Variants in ARHGAP8 observed in about 807,000 individuals in gnomAD.
ARHGAP8 encodes rho GTPase-activating protein 8.
A neutral mutation model predicts 46.1 loss-of-function variants in ARHGAP8; 62 were observed. The ratio of observed to expected loss-of-function variants is 1.34; its 90% CI spans 1.10 to 1.66. The LOEUF (loss-of-function observed/expected upper bound fraction) is 1.66, where lower values mean the gene tolerates loss of function less well. ARHGAP8 is among the 40% of genes most tolerant of loss of function. The pLI is 0.00. For synonymous variants in ARHGAP8, 375 were observed against 243.1 expected, an observed-to-expected ratio of 1.54 and a Z score of -5.05; for missense variants, 923 against 568.4, an observed-to-expected ratio of 1.62 and a Z score of -6.34.
chr22:44,792,808 G>GTGT (rs1555911851), intron 2 of ARHGAP8, among the ~76,000 whole-genome samples: 6 of 150,362 alleles, frequency 4.0e-5, no homozygotes, highest in East Asian at 3.9e-4. Context: ...GGTGGTGGTG[G>GTGT]TGGTTTTTTT....
At chr22:44,827,825 G>T (rs1404026858) in intron 7 of ARHGAP8, among the ~76,000 whole-genome samples, 1 of 152,108 alleles carries the variant, frequency 6.6e-6, no homozygotes, top group Non-Finnish European at 1.5e-5. Flanking sequence ...GCCGGGCCTG[G>T]AGTGCAAATG....
chr22:44,817,089 T>C (rs1351605841), intron 5 of ARHGAP8, among the ~76,000 whole-genome samples: 1 of 152,100 alleles, frequency 6.6e-6, no homozygotes, highest in East Asian at 1.9e-4. Flanking sequence ...TTTCACCATG[T>C]TGGCCAGGCT....
Position 44,843,046 on chromosome 22 carries a change from T to C in ARHGAP8, c.597-2223T>C, listed in dbSNP as rs115909683. On this transcript the variant is annotated intron_variant, in intron 7 of 11. Transcript: ENST00000356099. ...ACTCTAAGGATCAGGGAGAGGACCC[T>C]GCATCCAGAGGTGGGCAGTTGGAAT... Among the ~76,000 whole-genome samples, 4 of 152,308 alleles carry C rather than the reference T, an allele frequency of 2.6e-5. No individual in the cohort carries two copies. In the East Asian group the frequency reaches 7.7e-4, roughly 29 times the overall value.
intron 1 of ARHGAP8, among the ~76,000 whole-genome samples, chr22:44,757,612 A>G (rs188763402): frequency 2.0e-5 from 3 of 150,248 alleles, no homozygotes; most frequent in Non-Finnish European, 4.4e-5. Flanking sequence ...CCAAACTTTA[A>G]CCCCCTGCTC....
chr22:44,797,375 C>CTCCG (rs1196232636), intron 2 of ARHGAP8, among the ~76,000 whole-genome samples: 1 of 152,138 alleles, frequency 6.6e-6, no homozygotes, highest in Non-Finnish European at 1.5e-5. Flanking sequence ...AGGGCTCAGG[C>CTCCG]TCCGGGTCAG....
At chr22:44,790,075 G>A (rs974748008) in intron 2 of ARHGAP8, among the ~76,000 whole-genome samples, 3 of 152,192 alleles carry the variant, frequency 2.0e-5, no homozygotes, top group African/African-American at 7.2e-5. Flanking sequence ...AGAGGAATTT[G>A]CATTTGGTCA....
chr22:44,811,297 A>T (rs1451677441), intron 4 of ARHGAP8, among the ~76,000 whole-genome samples: 1 of 152,226 alleles, frequency 6.6e-6, no homozygotes, highest in African/African-American at 2.4e-5. Flanking sequence ...GCAGTGACAA[A>T]GCCAAAGGTA....
intron 7 of ARHGAP8, among the ~76,000 whole-genome samples, chr22:44,828,284 C>G (rs560198997): frequency 6.6e-6 from 1 of 152,144 alleles, no homozygotes; most frequent in Non-Finnish European, 1.5e-5. Context: ...TTTGCGGGTG[C>G]GAACAACTCT....
At chr22:44,773,591 T>A (rs6007285) in intron 1 of ARHGAP8, among the ~76,000 whole-genome samples, 4 of 152,042 alleles carry the variant, frequency 2.6e-5, no homozygotes, top group South Asian at 4.1e-4. Context: ...TTTTTCTCTC[T>A]TTTTTCTTGA....
rs1478981225 is a variant in ARHGAP8, at chr22:44,862,543, C to G, written c.1250C>G (p.Thr417Ser). Reference protein sequence around the residue: ...AVPRTQATGLTKPTLPPSPLM... With the variant: ...AVPRTQATGLSKPTLPPSPLM... ...CCACGGACACAAGCCACGGGCCTCA[C>G]CAAGCCTACCCTACCTCCGAGTCCC... Residue 417 changes from threonine to serine, a missense_variant, in exon 12 of 12, where the codon ACC (threonine) becomes AGC (serine). By Grantham distance (58) the Thr-to-Ser change is moderately conservative. Transcript: ENST00000356099. 5 of 1,604,104 alleles carry G rather than the reference C, an allele frequency of 3.1e-6. No individual in the cohort carries two copies. In the East Asian group the frequency reaches 9.0e-5, roughly 29 times the overall value.
intron 11 of ARHGAP8, among the ~76,000 whole-genome samples, chr22:44,860,792 C>T (rs1223124473): frequency 6.6e-6 from 1 of 152,082 alleles, no homozygotes; most frequent in Non-Finnish European, 1.5e-5. Flanking sequence ...GTGGGTCCAC[C>T]CCCAACCCCC....
At chr22:44,815,324 T>C (rs1929657487) in intron 5 of ARHGAP8, among the ~76,000 whole-genome samples, 1 of 152,180 alleles carries the variant, frequency 6.6e-6, no homozygotes, top group Non-Finnish European at 1.5e-5. Context: ...GTCAGTCATG[T>C]AGGCACGGAG....
chr22:44,801,592 AG>A (rs1928556075), intron 2 of ARHGAP8, among the ~76,000 whole-genome samples: 1 of 152,236 alleles, frequency 6.6e-6, no homozygotes, highest in Non-Finnish European at 1.5e-5. Context: ...AATGGACGGC[AG>A]GGCTGAGCAT....
In ARHGAP8 at chr22:44,862,425, G is replaced by A. The variant is rs1295086078; in HGVS notation, c.1132G>A (p.Glu378Lys). 6.2e-7 allele frequency: 1 copy of A among 1,614,148 alleles called. No homozygotes were observed. Among genetic ancestry groups the A allele is most frequent in the Non-Finnish European group, 8.5e-7 (1 of 1,180,010 alleles). The part of the protein sequence containing the change: ...MFTELLIEYY[E>K]KIFSTPEAPG... ...CACTGAACTGCTGATCGAGTACTAT[G>A]AAAAGATCTTCAGCACCCCGGAGGC... The change falls in exon 12 of 12, where the codon GAA becomes AAA. Residue 378 changes from glutamate to lysine, a missense_variant. Glu to Lys is a moderately conservative substitution (Grantham distance 56). Transcript: ENST00000356099.
intron 1 of ARHGAP8, among the ~76,000 whole-genome samples, chr22:44,777,731 T>C (rs1249452563): frequency 6.6e-6 from 1 of 152,138 alleles, no homozygotes; most frequent in Non-Finnish European, 1.5e-5. Flanking sequence ...GTTTTGTTCT[T>C]GTCACCCAGG....
At chr22:44,836,570 C>A (rs1444086775) in intron 7 of ARHGAP8, among the ~76,000 whole-genome samples, 1 of 138,746 alleles carries the variant, frequency 7.2e-6, no homozygotes, top group East Asian at 2.3e-4. Context: ...CACAGTAGGT[C>A]CTCAGTGCAC....
At chr22:44,817,033 C>T (rs1929803750) in intron 5 of ARHGAP8, among the ~76,000 whole-genome samples, 1 of 152,072 alleles carries the variant, frequency 6.6e-6, no homozygotes, top group African/African-American at 2.4e-5. Flanking sequence ...TTACAGGCAC[C>T]TGCCACCACG....
intron 1 of ARHGAP8, among the ~76,000 whole-genome samples, chr22:44,772,120 T>A (rs1352317758): frequency 6.6e-6 from 1 of 151,882 alleles, no homozygotes. Context: ...GAGTCTTGAA[T>A]GTTGTGAAAT....
At chr22:44,822,347 A>C in intron 5 of ARHGAP8, 24 bp from the exon 6 acceptor site, 1 of 1,573,062 alleles carries the variant, frequency 6.4e-7, no homozygotes, top group South Asian at 1.2e-5. Flanking sequence ...ATCGTTCTTT[A>C]TTCTCTTGCT....
Sources: allele counts gnomAD v4.1 joint callset (sites outside exome capture counted in the v4.1 genomes callset), GRCh38; gene constraint gnomAD v4.1.1; transcripts MANE v1.5; gene names NCBI Gene and HGNC (gene_info 2026-07-23, HGNC 2026-07-21).